Variants in GLRA3 observed in about 807,000 individuals in gnomAD.
GLRA3 encodes the protein glycine receptor subunit alpha-3.
In GLRA3, 44 loss-of-function variants were observed where a neutral mutation model predicts 60.4. The ratio of observed to expected loss-of-function variants is 0.73; its 90% CI spans 0.57 to 0.94. The LOEUF is 0.94. GLRA3 is among the 40% of genes least tolerant of loss of function. GLRA3 has a pLI of 0.00. For synonymous variants in GLRA3, 223 were observed against 192.9 expected (o/e 1.16, Z -1.29); for missense variants, 508 against 564.6 (o/e 0.90, Z 1.02).
chr4:174,662,986 C>T (rs1044518751), intron 7 of GLRA3, among the ~76,000 whole-genome samples: 8 of 152,132 alleles, frequency 5.3e-5, no homozygotes, highest in East Asian at 1.9e-4. Flanking sequence ...AAACTACAGG[C>T]GTCGGGGGAG....
At chr4:174,718,076 G>C (rs1735990893) in intron 4 of GLRA3, among the ~76,000 whole-genome samples, 1 of 152,138 alleles carries the variant, frequency 6.6e-6, no homozygotes, top group Non-Finnish European at 1.5e-5. Context: ...ATTTGGCAAA[G>C]AAAAACACAG....
rs184216636 is a variant in GLRA3 at position 174,740,122 on chromosome 4, G to C, written c.268-11424C>G. Among the ~76,000 whole-genome samples, 520 of 152,264 alleles carry C rather than the reference G, an allele frequency of 3.4e-3. 17 individuals carry two copies. Among genetic ancestry groups the C allele is most frequent in the Admixed American group, 0.03 (453 of 15,292 alleles). The stretch of plus-strand genomic sequence containing the variant: ...ATTTGCACTCGCATCTAATTTAGTT[G>C]ACACAATTCCAGACTTCAAAACAAT... On this transcript the variant is annotated intron_variant, in intron 3 of 9. Coordinates refer to ENST00000274093, the MANE Select transcript of GLRA3 (RefSeq NM_006529.4).
chr4:174,820,133 G>A (rs986262231), intron 1 of GLRA3, among the ~76,000 whole-genome samples: 1 of 152,148 alleles, frequency 6.6e-6, no homozygotes. Context: ...AGGCATAACT[G>A]AGTAAGAAAA....
chr4:174,824,566 A>C (rs899128404), intron 1 of GLRA3, among the ~76,000 whole-genome samples: 13 of 152,178 alleles, frequency 8.5e-5, no homozygotes, highest in African/African-American at 3.1e-4. Flanking sequence ...AGTTGTTGTT[A>C]GTAGAATATA....
chr4:174,700,713 T>C (rs1175055783), intron 5 of GLRA3, among the ~76,000 whole-genome samples: 1 of 152,210 alleles, frequency 6.6e-6, no homozygotes, highest in African/African-American at 2.4e-5. Context: ...GCTACTGCAC[T>C]GAACACATGG....
chr4:174,824,666 C>T (rs1740887174), intron 1 of GLRA3, among the ~76,000 whole-genome samples: 2 of 152,142 alleles, frequency 1.3e-5, no homozygotes, highest in Admixed American at 6.5e-5. Context: ...ATTCGTTTTG[C>T]ATAGAATATT....
chr4:174,826,967 T>C (rs903994039), intron 1 of GLRA3, among the ~76,000 whole-genome samples: 6 of 151,598 alleles, frequency 4.0e-5, no homozygotes, highest in Admixed American at 2.0e-4. Flanking sequence ...AAGTTCTTCA[T>C]AGAGTGATAA....
At chr4:174,819,396 T>C (rs1740643013) in intron 1 of GLRA3, among the ~76,000 whole-genome samples, 1 of 152,146 alleles carries the variant, frequency 6.6e-6, no homozygotes, top group South Asian at 2.1e-4. Flanking sequence ...TGAGGGCCCA[T>C]GTGGAAATAT....
rs1732621161 is a variant in GLRA3, at chr4:174,641,578, A to G, written c.*2208T>C. The G allele has an allele frequency of 6.6e-6, 1 of 152,084 alleles. No individual in the cohort carries two copies. The highest frequency in any genetic ancestry group is 1.5e-5 in the Non-Finnish European group (1 of 67,938). 9.4% of individuals were successfully genotyped at this position (152,084 alleles called of 1,614,324 possible). A position where few individuals can be genotyped will look rare whatever the true frequency, so the allele number is the denominator to read the frequency against. On this transcript the variant is annotated 3_prime_UTR_variant, in exon 10 of 10. Coordinates refer to ENST00000274093, the MANE Select transcript of GLRA3 (RefSeq NM_006529.4). ...TACTTTTGAGATAGATTTCTAATGT[A>G]CCAACGTCCTTGTTGACAATATTGT...
chr4:174,738,591 T>C (rs1736889836), intron 3 of GLRA3, among the ~76,000 whole-genome samples: 1 of 152,242 alleles, frequency 6.6e-6, no homozygotes, highest in Non-Finnish European at 1.5e-5. Context: ...TAGCATAATG[T>C]TGCAGCTGAA....
chr4:174,662,087 T>C (rs772079398), intron 7 of GLRA3, among the ~76,000 whole-genome samples: 5 of 152,184 alleles, frequency 3.3e-5, no homozygotes, highest in Non-Finnish European at 7.3e-5. Flanking sequence ...TGAGTATTAG[T>C]TTCCGCTCTT....
chr4:174,790,998 C>A (rs1579614639), intron 1 of GLRA3, among the ~76,000 whole-genome samples: 2 of 126,496 alleles, frequency 1.6e-5, no homozygotes, highest in African/African-American at 3.4e-5. Flanking sequence ...AGCGAGACTC[C>A]ATCTCAAAAA....
chr4:174,823,250 A>AC (rs1314020676), intron 1 of GLRA3, among the ~76,000 whole-genome samples: 2 of 70,352 alleles, frequency 2.8e-5, no homozygotes, highest in African/African-American at 9.1e-5. Context: ...ACTCAAAAAA[A>AC]AAATGTATTT....
intron 7 of GLRA3, among the ~76,000 whole-genome samples, chr4:174,672,629 C>T (rs1378151636): frequency 2.6e-5 from 4 of 152,076 alleles, no homozygotes; most frequent in African/African-American, 9.7e-5. Flanking sequence ...ATCTGAAACC[C>T]ACTCCACAGC....
chr4:174,693,970 A>G (rs963952939), intron 5 of GLRA3, among the ~76,000 whole-genome samples: 2 of 152,196 alleles, frequency 1.3e-5, no homozygotes, highest in African/African-American at 4.8e-5. Flanking sequence ...AAAACCAAAA[A>G]AGATAAAACA....
rs774106199 is a variant in GLRA3, at chr4:174,659,039, C to A, written c.1071+15G>T. ...AAACTGGATTCTGCCAAACCCAATACGTTTAATCACTTACCTTATTCTTTC... is the reference window on the plus strand; with the variant it reads ...AAACTGGATTCTGCCAAACCCAATAAGTTTAATCACTTACCTTATTCTTTC... On this transcript the variant is annotated intron_variant, in intron 8 of 9. Transcript: ENST00000274093. The A allele has an allele frequency of 6.2e-7, 1 of 1,606,680 alleles. No homozygotes were observed. Among genetic ancestry groups the A allele is most frequent in the Admixed American group, 1.7e-5 (1 of 59,484 alleles).
At chr4:174,719,293 C>T (rs1259740915) in intron 4 of GLRA3, among the ~76,000 whole-genome samples, 1 of 152,046 alleles carries the variant, frequency 6.6e-6, no homozygotes, top group Non-Finnish European at 1.5e-5. Flanking sequence ...TATACTGCCT[C>T]TCAAAAGCAT....
chr4:174,828,936 T>C lies in GLRA3; in HGVS notation c.-125A>G, dbSNP rs975119299. 1.4e-6 allele frequency: 1 copy of C among 718,692 alleles called. No homozygotes were observed. Among genetic ancestry groups the C allele is most frequent in the African/African-American group, 1.7e-5 (1 of 58,114 alleles). 44.5% of individuals were successfully genotyped at this position (718,692 alleles called of 1,614,324 possible). On this transcript the variant is annotated 5_prime_UTR_variant, in exon 1 of 10. Coordinates refer to ENST00000274093, the MANE Select transcript of GLRA3 (RefSeq NM_006529.4). The stretch of plus-strand genomic sequence containing the variant: ...TGGTGTAGACTGATGCTTGGGAAGC[T>C]TCAGCACCTTAGACAGCTCCCCGCA...
chr4:174,746,881 T>G (rs2111185166), intron 3 of GLRA3, among the ~76,000 whole-genome samples: 1 of 152,284 alleles, frequency 6.6e-6, no homozygotes, highest in East Asian at 1.9e-4. Flanking sequence ...TTGTCATTAC[T>G]TTTAATGGTG....
Sources: gnomAD v4.1 joint callset for allele counts (sites outside exome capture counted in the v4.1 genomes callset) on GRCh38, gnomAD v4.1.1 for gene constraint, MANE v1.5 for transcripts, NCBI Gene and HGNC (gene_info 2026-07-23, HGNC 2026-07-21) for gene names.